The following LEPR variants were observed in gnomAD, a reference collection of about 807,000 sequenced individuals.
LEPR encodes OB receptor.
LEPR carries 56 observed loss-of-function variants against 114.7 expected under a neutral mutation model. The observed-to-expected ratio is 0.49, with a 90% CI of 0.39 to 0.61. LEPR has a LOEUF of 0.61. Ranked by LOEUF, LEPR falls within the 20% of genes least tolerant of loss-of-function variation. LEPR has a pLI of 0.00. For missense variants in LEPR, 1,202 were observed against 1,352.9 expected (o/e 0.89, Z 1.75); for synonymous variants, 443 against 461.4 (o/e 0.96, Z 0.51).
At chr1:65,626,363 G>T in intron 19 of LEPR, 1 of 1,218,152 alleles carries the variant, frequency 8.2e-7, no homozygotes, top group Non-Finnish European at 1.0e-6. Flanking sequence ...GTTCTTATTT[G>T]TAGGACTGAT....
chr1:65,486,452 C>T (rs978153897), intron 2 of LEPR: 10 of 152,156 alleles, frequency 6.6e-5, no homozygotes, highest in Admixed American at 5.9e-4. Flanking sequence ...TGACCATTAA[C>T]TCTTCTCAAA....
intron 2 of LEPR, among the ~76,000 whole-genome samples, chr1:65,474,125 A>T (rs896861947): frequency 6.6e-6 from 1 of 152,338 alleles, no homozygotes; most frequent in African/African-American, 2.4e-5. Flanking sequence ...TTACAGTCAC[A>T]TATGTAATTT....
chr1:65,603,351 T>TCG (rs1656580114), intron 10 of LEPR, among the ~76,000 whole-genome samples: 1 of 149,790 alleles, frequency 6.7e-6, no homozygotes, highest in East Asian at 2.0e-4. Flanking sequence ...CACCATTTAT[T>TCG]CACACACACA....
intron 2 of LEPR, among the ~76,000 whole-genome samples, chr1:65,511,022 AC>A (rs752368913): frequency 1.3e-5 from 2 of 152,154 alleles, no homozygotes; most frequent in Non-Finnish European, 2.9e-5. Context: ...CACAAAAAAA[AC>A]AAAACAAAAC....
At chr1:65,531,913 C>T (rs1020866806) in intron 2 of LEPR, among the ~76,000 whole-genome samples, 7 of 152,002 alleles carry the variant, frequency 4.6e-5, no homozygotes, top group Admixed American at 1.3e-4. Context: ...AGACAAATTA[C>T]GGGCTAGCAG....
At chr1:65,588,600 CCA>C (rs1005151999) in intron 5 of LEPR, among the ~76,000 whole-genome samples, 1 of 152,080 alleles carries the variant, frequency 6.6e-6, no homozygotes, top group Non-Finnish European at 1.5e-5. Context: ...TCCTCCCACC[CCA>C]CCTCTGTCCC....
chr1:65,530,115 A>T (rs975081908), intron 2 of LEPR, among the ~76,000 whole-genome samples: 1 of 152,136 alleles, frequency 6.6e-6, no homozygotes, highest in South Asian at 2.1e-4. Flanking sequence ...AATTCTCCAC[A>T]TGGAATCTTC....
intron 2 of LEPR, among the ~76,000 whole-genome samples, chr1:65,509,925 C>T (rs966355475): frequency 1.3e-5 from 2 of 152,274 alleles, no homozygotes; most frequent in Non-Finnish European, 2.9e-5. Context: ...CACAAGCTGT[C>T]GTCCACATGG....
In LEPR at chr1:65,468,907, C is replaced by A. The variant is rs566352479; in HGVS notation, c.-21+43529C>A. Among the ~76,000 whole-genome samples, 32 of 152,308 alleles carry A rather than the reference C, an allele frequency of 2.1e-4. No individual in the cohort carries two copies. In the East Asian group the frequency reaches 6.0e-3, roughly 28 times the overall value. ...AATAGGAGACACAAGCCTCAAATAG[C>A]AGAACAGCTGCTGCTCTGTTCAGTG... On this transcript the variant is annotated intron_variant, in intron 2 of 19. Coordinates refer to ENST00000349533, the MANE Select transcript of LEPR (RefSeq NM_002303.6).
chr1:65,621,677 C>G (rs539728055), intron 18 of LEPR, among the ~76,000 whole-genome samples: 1 of 152,178 alleles, frequency 6.6e-6, no homozygotes, highest in East Asian at 1.9e-4. Flanking sequence ...GAAAGAAACA[C>G]GAAACACAGC....
At chr1:65,427,715 A>G in intron 2 of LEPR, 1 of 322,654 alleles carries the variant, frequency 3.1e-6, no homozygotes, top group Non-Finnish European at 6.3e-6. Flanking sequence ...AAGGTAAGAA[A>G]ATGACTCATT....
Position 65,608,819 on chromosome 1 carries a change from C to A in LEPR, c.1670C>A (p.Ser557Tyr). Residue 557 changes from serine (S) to tyrosine (Y), a missense_variant, in exon 12 of 20, where the codon TCT (serine) becomes TAT (tyrosine). By Grantham distance (144) the Ser-to-Tyr change is moderately radical. Transcript: ENST00000349533. ...ITINIGLLKI[S>Y]WEKPVFPENN... ...ATAAACATTGGATTATTGAAAATAT[C>A]TTGGGAAAAGCCAGTCTTTCCAGAG... 1 of 1,613,750 alleles carries A rather than the reference C, an allele frequency of 6.2e-7. No individual in the cohort carries two copies. The highest frequency in any genetic ancestry group is 8.5e-7 in the Non-Finnish European group (1 of 1,179,824).
chr1:65,590,339 G>A (rs958699163), intron 5 of LEPR, among the ~76,000 whole-genome samples: 3 of 149,708 alleles, frequency 2.0e-5, no homozygotes, highest in African/African-American at 4.9e-5. Context: ...TGTGACTTCT[G>A]TGGTTTTTCC....
chr1:65,526,176 C>G lies in LEPR; in HGVS notation c.-20-39370C>G, dbSNP rs1055426053. 8 of 984,678 alleles carry G rather than the reference C, an allele frequency of 8.1e-6. No homozygotes were observed. In the Admixed American group the frequency reaches 4.9e-4, roughly 61 times the overall value. 61.0% of individuals were successfully genotyped at this position (984,678 alleles called of 1,614,324 possible). A position where few individuals can be genotyped will look rare whatever the true frequency, so the allele number is the denominator to read the frequency against. On this transcript the variant is annotated intron_variant, in intron 2 of 19. Transcript: ENST00000349533. Reference sequence around the variant, plus strand: ...GTGCCTACTTTGGAAACTGAAGGGACTGCCACCTAAAACAGTAAACCCTGG... The same window carrying G: ...GTGCCTACTTTGGAAACTGAAGGGAGTGCCACCTAAAACAGTAAACCCTGG...
Position 65,637,200 on chromosome 1 carries a change from C to A in LEPR, c.*185C>A. ...AAAAATTTGAGAAAGCCTTCATAAG[C>A]CTACCAATGTAGACACGCTCTTCTA... On this transcript the variant is annotated 3_prime_UTR_variant, in exon 20 of 20. Coordinates refer to ENST00000349533, the MANE Select transcript of LEPR (RefSeq NM_002303.6). 2 of 598,046 alleles carry A rather than the reference C, an allele frequency of 3.3e-6. No individual in the cohort carries two copies. Among genetic ancestry groups the A allele is most frequent in the Non-Finnish European group, 5.6e-6 (2 of 357,264 alleles). 37.0% of individuals were successfully genotyped at this position (598,046 alleles called of 1,614,324 possible).
At chr1:65,440,932 A>C (rs1300163391) in intron 2 of LEPR, among the ~76,000 whole-genome samples, 1 of 152,236 alleles carries the variant, frequency 6.6e-6, no homozygotes, top group African/African-American at 2.4e-5. Context: ...GAGAACAACA[A>C]ATCACAGAAA....
chr1:65,481,419 A>C (rs1040917635), intron 2 of LEPR, among the ~76,000 whole-genome samples: 2 of 152,182 alleles, frequency 1.3e-5, no homozygotes, highest in Non-Finnish European at 2.9e-5. Context: ...ATAATATAAC[A>C]TGATTATTAA....
intron 6 of LEPR, among the ~76,000 whole-genome samples, chr1:65,594,245 C>A (rs570460167): frequency 9.2e-5 from 14 of 152,048 alleles, no homozygotes; most frequent in African/African-American, 3.4e-4. Context: ...GCAGGAAGAA[C>A]AATATTCACA....
At chr1:65,591,945 C>G (rs1209048245) in intron 5 of LEPR, among the ~76,000 whole-genome samples, 3 of 151,100 alleles carry the variant, frequency 2.0e-5, no homozygotes, top group African/African-American at 7.3e-5. Flanking sequence ...TCCTTTGTTG[C>G]TTATTAATTA....
Sources: allele counts gnomAD v4.1 joint callset (sites outside exome capture counted in the v4.1 genomes callset), GRCh38; gene constraint gnomAD v4.1.1; transcripts MANE v1.5; gene names NCBI Gene and HGNC (gene_info 2026-07-23, HGNC 2026-07-21).